The following ANKRD30B variants were observed in gnomAD, a reference collection of about 807,000 sequenced individuals.
ANKRD30B encodes the protein ankyrin repeat domain 30B.
In ANKRD30B, 144 loss-of-function variants were observed where a neutral mutation model predicts 202.2. The observed-to-expected ratio is 0.71, with a 90% CI of 0.62 to 0.82. The LOEUF is 0.82. ANKRD30B is among the 40% of genes least tolerant of loss of function. The probability of loss-of-function intolerance (pLI) is 0.00; values close to 1 mark genes in which losing one functional copy is unlikely to be tolerated. For synonymous variants in ANKRD30B, 508 were observed against 561.3 expected (o/e 0.91, Z 1.34); for missense variants, 1,487 against 1,669.1 (o/e 0.89, Z 1.90).
In ANKRD30B at chr18:14,851,633, A is replaced by C. The variant is rs1374983451; in HGVS notation, c.3689A>C (p.Lys1230Thr). ...LKHQHQVKEN[K>T]YFEDIKILQE... ...CATCAACACCAGGTGAAGGAAAATA[A>C]ATACTTTGAGGACATTAAGATTTTA... Residue 1230 changes from lysine (K) to threonine (T), a missense_variant, in exon 42 of 44, where the codon AAA becomes ACA. Physicochemically the swap from Lys to Thr is moderately conservative, Grantham distance 78 (BLOSUM62 -1). Around this residue, in one of 6 missense-constraint regions of ANKRD30B, gnomAD observed 177 missense variants for 216.4 expected, o/e 0.82. Transcript: ENST00000690538. The C allele has an allele frequency of 6.2e-7, 1 of 1,611,972 alleles. No homozygotes were observed. Among genetic ancestry groups the C allele is most frequent in the South Asian group, 1.1e-5 (1 of 90,832 alleles).
chr18:14,927,073 T>A, the ANKRD30B span, among the ~76,000 whole-genome samples: 1 of 152,092 alleles, frequency 6.6e-6, no homozygotes, highest in South Asian at 2.1e-4. Context: ...ATTTTTACAA[T>A]AAGAAGTACT....
chr18:14,869,873 C>T, the ANKRD30B span, among the ~76,000 whole-genome samples: 6 of 152,080 alleles, frequency 3.9e-5, no homozygotes, highest in South Asian at 4.2e-4. Flanking sequence ...CTCACTCTGT[C>T]GCCCAGGCTG....
At chr18:14,910,873 G>T in the ANKRD30B span, among the ~76,000 whole-genome samples, 1 of 152,110 alleles carries the variant, frequency 6.6e-6, no homozygotes, top group African/African-American at 2.4e-5. Flanking sequence ...TTTCTCTAAT[G>T]ATTAGTGATG....
the ANKRD30B span, among the ~76,000 whole-genome samples, chr18:14,887,811 G>A: frequency 2.6e-4 from 39 of 151,408 alleles, no homozygotes; most frequent in Admixed American, 6.6e-4. Context: ...TGCTGTAACC[G>A]TAGGAAAAAA....
In ANKRD30B at chr18:14,842,015, A is replaced by G. The variant is rs577658699; in HGVS notation, c.3080-882A>G. Among the ~76,000 whole-genome samples the G allele has an allele frequency of 3.6e-3, 542 of 152,334 alleles. 2 individuals are homozygous for G. Among genetic ancestry groups the G allele is most frequent in the Non-Finnish European group, 6.2e-3 (423 of 68,018 alleles). ...TAAAATTGTTGTTCTATAAAAATCTATTAGACACTTACCATAATAAACAAA... is the reference window on the plus strand; with the variant it reads ...TAAAATTGTTGTTCTATAAAAATCTGTTAGACACTTACCATAATAAACAAA... On this transcript the variant is annotated intron_variant, in intron 37 of 43. Transcript: ENST00000690538.
At chr18:14,898,278 G>A in the ANKRD30B span, among the ~76,000 whole-genome samples, 1 of 152,262 alleles carries the variant, frequency 6.6e-6, no homozygotes, top group South Asian at 2.1e-4. Context: ...TAAACCAGCA[G>A]TCAGGGGATG....
intron 14 of ANKRD30B, 104 bp downstream of exon 14, chr18:14,784,639 G>T (rs1186773505): frequency 1.5e-6 from 2 of 1,311,442 alleles, no homozygotes; most frequent in Non-Finnish European, 1.0e-6. Flanking sequence ...TTGATGAAAA[G>T]ATTTGATCTA....
chr18:14,876,015 G>A, the ANKRD30B span, among the ~76,000 whole-genome samples: 1 of 152,088 alleles, frequency 6.6e-6, no homozygotes, highest in Non-Finnish European at 1.5e-5. Flanking sequence ...CTAAGACATA[G>A]CTCATTGTAC....
the ANKRD30B span, among the ~76,000 whole-genome samples, chr18:14,902,259 A>G: frequency 1.3e-5 from 2 of 152,148 alleles, no homozygotes; most frequent in Non-Finnish European, 2.9e-5. Flanking sequence ...GCCAAACCAT[A>G]TTACAAGGTT....
chr18:14,849,734 C>T (rs916266105), intron 40 of ANKRD30B, among the ~76,000 whole-genome samples: 2 of 151,450 alleles, frequency 1.3e-5, no homozygotes, highest in Non-Finnish European at 3.0e-5. Context: ...TTAATCTAGT[C>T]TGAGATCATA....
chr18:14,760,175 G>T (rs1915033678), intron 5 of ANKRD30B, among the ~76,000 whole-genome samples: 1 of 152,174 alleles, frequency 6.6e-6, no homozygotes. Context: ...ATAACCTAGT[G>T]AAATAAGTCT....
chr18:14,847,684 T>C (rs1413722058), intron 39 of ANKRD30B, among the ~76,000 whole-genome samples: 1 of 151,602 alleles, frequency 6.6e-6, no homozygotes, highest in Non-Finnish European at 1.5e-5. Flanking sequence ...TATAAACAGC[T>C]TGATCCTTTT....
chr18:14,782,964 G>C (rs545026217), intron 12 of ANKRD30B, among the ~76,000 whole-genome samples: 9 of 152,018 alleles, frequency 5.9e-5, no homozygotes, highest in Admixed American at 2.0e-4. Flanking sequence ...AATGGAGGTG[G>C]CAAAATAAAA....
chr18:14,778,207 G>A, intron 10 of ANKRD30B, 132 bp downstream of exon 10: 1 of 639,940 alleles, frequency 1.6e-6, no homozygotes, highest in East Asian at 2.9e-5. Context: ...GGCAGTGAAA[G>A]TTATGTGTCT....
chr18:14,840,562 T>C, intron 36 of ANKRD30B, 26 bp from the exon 37 acceptor site: 2 of 1,143,622 alleles, frequency 1.7e-6, no homozygotes, highest in Non-Finnish European at 1.1e-6. Flanking sequence ...AAAAAAGAAA[T>C]TATTTATTAA....
At chr18:14,809,898 A>C (rs2053771590) in intron 26 of ANKRD30B, 88 bp from the exon 27 acceptor site, 1 of 1,203,110 alleles carries the variant, frequency 8.3e-7, no homozygotes, top group Admixed American at 1.8e-5. Context: ...AAGCATGAGG[A>C]TTCATCTTCA....
chr18:14,860,426 A>T, the ANKRD30B span, among the ~76,000 whole-genome samples: 5 of 80,556 alleles, frequency 6.2e-5, no homozygotes, highest in South Asian at 5.3e-4. Context: ...CAGATGGGGC[A>T]GCCGGGAAGA....
At position 14,822,585 on chromosome 18, in the gene ANKRD30B, G is replaced by C; in HGVS notation, c.2671-20G>C. The C allele has an allele frequency of 8.3e-7, 1 of 1,209,738 alleles. No homozygotes were observed. Among genetic ancestry groups the C allele is most frequent in the South Asian group, 1.3e-5 (1 of 75,152 alleles). 74.9% of individuals were successfully genotyped at this position (1,209,738 alleles called of 1,614,324 possible). A position where few individuals can be genotyped will look rare whatever the true frequency, so the allele number is the denominator to read the frequency against. On this transcript the variant is annotated intron_variant, in intron 31 of 43. Coordinates refer to ENST00000690538, the MANE Select transcript of ANKRD30B (RefSeq NM_001367607.2). ...AAGTATACATTATATAGTAATTATT[G>C]TGTTTCCAAACCCATTTAGCCTACC...
chr18:14,755,521 G>C (rs9675451), intron 4 of ANKRD30B, among the ~76,000 whole-genome samples: 1 of 151,674 alleles, frequency 6.6e-6, no homozygotes, highest in South Asian at 2.1e-4. Flanking sequence ...TTAGCATTAG[G>C]TATATCTCCT....
Sources: gnomAD v4.1 joint callset for allele counts (sites outside exome capture counted in the v4.1 genomes callset) on GRCh38, gnomAD v4.1.1 for gene constraint, gnomAD v4.1.1 regional missense constraint, MANE v1.5 for transcripts, NCBI Gene and HGNC (gene_info 2026-07-23, HGNC 2026-07-21) for gene names.